SUMF1: variants seen among roughly 807,000 people sequenced by gnomAD.
SUMF1 encodes formylglycine-generating enzyme.
In SUMF1, 48 loss-of-function variants were observed where a neutral mutation model predicts 47.6. That is an observed-to-expected ratio of 1.01 (90% CI 0.80 to 1.28). The LOEUF (loss-of-function observed/expected upper bound fraction) is 1.28. Among genes scored for constraint, SUMF1 ranks in the 50% most tolerant of loss-of-function variants. The pLI is 0.00. For missense variants in SUMF1, 571 were observed against 485.4 expected, an observed-to-expected ratio of 1.18 and a Z score of -1.66; for synonymous variants, 230 against 192.1, an observed-to-expected ratio of 1.20 and a Z score of -1.63.
chr3:4,218,633 T>C (rs906667), intron 8 of SUMF1, among the ~76,000 whole-genome samples: 56,313 of 151,936 alleles, frequency 0.37, 11,179 homozygotes, highest in Non-Finnish European at 0.46. Flanking sequence ...CTGCTGTGAA[T>C]GCGGGCCAGG....
intron 1 of SUMF1, among the ~76,000 whole-genome samples, chr3:4,461,213 T>C (rs1161864864): frequency 6.6e-6 from 1 of 152,196 alleles, no homozygotes; most frequent in South Asian, 2.1e-4. Context: ...GTGAAACCTG[T>C]CTAACAGATG....
At chr3:4,463,351 G>C (rs1455486777) in intron 1 of SUMF1, among the ~76,000 whole-genome samples, 1 of 152,160 alleles carries the variant, frequency 6.6e-6, no homozygotes, top group Admixed American at 6.5e-5. Flanking sequence ...TTGGCCAGGC[G>C]TGGTGGCAGG....
intron 8 of SUMF1, among the ~76,000 whole-genome samples, chr3:4,344,376 C>A (rs1422068393): frequency 3.3e-5 from 5 of 152,158 alleles, no homozygotes; most frequent in African/African-American, 7.2e-5. Context: ...TCTCCAGGCA[C>A]AGGAGCAAAT....
At chr3:4,287,838 A>G (rs1046218931) in intron 8 of SUMF1, among the ~76,000 whole-genome samples, 2 of 152,212 alleles carry the variant, frequency 1.3e-5, no homozygotes, top group African/African-American at 2.4e-5. Flanking sequence ...AGAAAATTCT[A>G]TTATTATCAA....
chr3:4,085,052 C>A (rs1331957536), intron 8 of SUMF1, among the ~76,000 whole-genome samples: 1 of 152,014 alleles, frequency 6.6e-6, no homozygotes, highest in Non-Finnish European at 1.5e-5. Context: ...AAATAGAAGA[C>A]CCATCCTATA....
At chr3:4,441,997 G>A (rs1276834160) in intron 3 of SUMF1, among the ~76,000 whole-genome samples, 6 of 152,184 alleles carry the variant, frequency 3.9e-5, no homozygotes, top group Non-Finnish European at 5.9e-5. Context: ...AAGAAAAACC[G>A]CCAACGGCCA....
At chr3:4,160,006 G>C (rs374271431) in intron 8 of SUMF1, among the ~76,000 whole-genome samples, 10 of 152,142 alleles carry the variant, frequency 6.6e-5, no homozygotes, top group African/African-American at 2.2e-4. Flanking sequence ...TGACATTTGG[G>C]AGTTTGATTA....
chr3:4,379,822 C>G (rs1268302505), intron 7 of SUMF1, among the ~76,000 whole-genome samples: 1 of 112,128 alleles, frequency 8.9e-6, no homozygotes, highest in South Asian at 2.8e-4. Flanking sequence ...AGCCTGGCAA[C>G]AGAGCGAGCC....
intron 8 of SUMF1, among the ~76,000 whole-genome samples, chr3:4,207,702 A>AAAAATC (rs150959018): frequency 0.025 from 3,861 of 152,238 alleles, 168 homozygotes; most frequent in African/African-American, 0.088. Context: ...AAACAAACTG[A>AAAAATC]AAAATCAATA....
At chr3:4,146,402 G>A (rs944838113) in intron 8 of SUMF1, among the ~76,000 whole-genome samples, 1 of 125,474 alleles carries the variant, frequency 8.0e-6, no homozygotes, top group Admixed American at 8.6e-5. Flanking sequence ...GTAGAGAGAG[G>A]CGAGGGGGGG....
intron 8 of SUMF1, among the ~76,000 whole-genome samples, chr3:4,237,436 G>A (rs1410358787): frequency 6.6e-6 from 1 of 152,002 alleles, no homozygotes; most frequent in Non-Finnish European, 1.5e-5. Flanking sequence ...CTTTGATTAT[G>A]TGTGTGTGTT....
intron 8 of SUMF1, among the ~76,000 whole-genome samples, chr3:4,121,239 G>T (rs1229537965): frequency 6.6e-6 from 1 of 151,966 alleles, no homozygotes; most frequent in African/African-American, 2.4e-5. Context: ...GTTTCAAAAA[G>T]AACATAATTT....
At position 4,421,896 on chromosome 3, in the gene SUMF1, GAAGTT is replaced by G. The variant is rs1238105503; in HGVS notation, c.520-1755_520-1751del. The stretch of plus-strand genomic sequence containing the variant: ...TCATCCTTTTGAGCTTGTCTGAGTA[GAAGTT>G]AAGGGAGAATATGTCCCTGCTAACA... On this transcript the variant is annotated intron_variant, in intron 3 of 8. Transcript: ENST00000272902. Among the ~76,000 whole-genome samples, 6 of 152,304 alleles carry G rather than the reference GAAGTT, an allele frequency of 3.9e-5. No homozygotes were observed. The East Asian group carries it at 9.6e-4, about 24-fold the overall frequency.
chr3:4,279,300 A>C (rs1238025116), intron 8 of SUMF1, among the ~76,000 whole-genome samples: 1 of 152,160 alleles, frequency 6.6e-6, no homozygotes, highest in Non-Finnish European at 1.5e-5. Flanking sequence ...TTTTATTGTC[A>C]ATTTATAATC....
intron 9 of SUMF1, among the ~76,000 whole-genome samples, chr3:4,050,132 G>C (rs965968955): frequency 6.6e-6 from 1 of 151,920 alleles, no homozygotes; most frequent in Admixed American, 6.6e-5. Context: ...TGAGCCAAAA[G>C]GCAGCTTTTG....
chr3:4,038,963 C>G (rs1464330529), intron 9 of SUMF1, among the ~76,000 whole-genome samples: 2 of 152,112 alleles, frequency 1.3e-5, no homozygotes, highest in Non-Finnish European at 2.9e-5. Flanking sequence ...ACAATTAAGA[C>G]AGCAACTTAA....
At chr3:4,317,761 C>A (rs1454564744) in intron 8 of SUMF1, among the ~76,000 whole-genome samples, 1 of 152,114 alleles carries the variant, frequency 6.6e-6, no homozygotes, top group Admixed American at 6.5e-5. Context: ...ATCACTGAAC[C>A]TTTCCAAGTC....
chr3:4,267,753 T>C (rs1208550956), intron 8 of SUMF1, among the ~76,000 whole-genome samples: 1 of 150,046 alleles, frequency 6.7e-6, no homozygotes, highest in Admixed American at 6.7e-5. Flanking sequence ...CTGGAGAGGA[T>C]GTGGAGAAAT....
At chr3:4,269,721 G>A (rs553030629) in intron 8 of SUMF1, among the ~76,000 whole-genome samples, 1 of 152,156 alleles carries the variant, frequency 6.6e-6, no homozygotes, top group South Asian at 2.1e-4. Context: ...TCCTTAAGTG[G>A]AATAATATTG....
Sources: gnomAD v4.1 joint callset for allele counts (sites outside exome capture counted in the v4.1 genomes callset) on GRCh38, gnomAD v4.1.1 for gene constraint, MANE v1.5 for transcripts, NCBI Gene and HGNC (gene_info 2026-07-23, HGNC 2026-07-21) for gene names.